Variants in PLCB1 observed in about 807,000 individuals in gnomAD.
PLCB1 encodes the protein 1-phosphatidylinositol 4,5-bisphosphate phosphodiesterase beta-1.
PLCB1 carries 46 observed loss-of-function variants against 161.8 expected under a neutral mutation model. The ratio of observed to expected loss-of-function variants is 0.28; its 90% CI spans 0.22 to 0.36. The LOEUF is 0.36. Ranked by LOEUF, PLCB1 falls within the 10% of genes least tolerant of loss-of-function variation. The probability of loss-of-function intolerance (pLI) is 1.00; values close to 1 mark genes in which losing one functional copy is unlikely to be tolerated. For synonymous variants in PLCB1, 517 were observed against 503.7 expected (o/e 1.03, Z -0.35); for missense variants, 1,016 against 1,472.5 (o/e 0.69, Z 5.07).
chr20:8,651,603 TTGAGC>T, intron 7 of PLCB1: 1 of 682,530 alleles, frequency 1.5e-6, no homozygotes, highest in South Asian at 1.6e-5. Context: ...CAAATATTTC[TTGAGC>T]TCTTACTATG....
intron 15 of PLCB1, among the ~76,000 whole-genome samples, chr20:8,722,699 G>A (rs1468886098): frequency 6.6e-6 from 1 of 152,138 alleles, no homozygotes; most frequent in Non-Finnish European, 1.5e-5. Flanking sequence ...GGCATCCCGA[G>A]TAACTTGATT....
chr20:8,829,749 A>C (rs1441598626), intron 31 of PLCB1, among the ~76,000 whole-genome samples: 1 of 152,260 alleles, frequency 6.6e-6, no homozygotes, highest in Non-Finnish European at 1.5e-5. Context: ...CAAACTGTTC[A>C]GCAACGTATA....
intron 3 of PLCB1, among the ~76,000 whole-genome samples, chr20:8,611,317 A>C (rs1987897474): frequency 6.6e-6 from 1 of 152,052 alleles, no homozygotes; most frequent in Admixed American, 6.6e-5. Flanking sequence ...AAATTCAGGG[A>C]AATACTTTGG....
Position 8,740,441 on chromosome 20 carries a change from A to G in PLCB1, c.2406A>G (p.Thr802=). 1.3e-6 allele frequency: 2 copies of G among 1,558,276 alleles called. No individual in the cohort carries two copies. The highest frequency in any genetic ancestry group is 8.7e-7 in the Non-Finnish European group (1 of 1,147,608). Residue 802 remains threonine (T), a synonymous_variant, in exon 22 of 32, where the codon ACA becomes ACG. Coordinates refer to ENST00000338037, the MANE Select transcript of PLCB1 (RefSeq NM_015192.4). The part of the protein sequence containing the change: ...YIEVKDYVPD[T]YADVIEALSN... ...AAGTGAAAGACTATGTGCCAGACAC[A>G]TATGCAGGTAAACAACTTAACTCAA...
chr20:8,485,003 A>G (rs187345440), intron 3 of PLCB1, among the ~76,000 whole-genome samples: 130 of 152,336 alleles, frequency 8.5e-4, no homozygotes, highest in African/African-American at 2.9e-3. Flanking sequence ...AAGAGAGAGA[A>G]ATTAGAAAGG....
chr20:8,297,962 T>G (rs533600713), intron 2 of PLCB1, among the ~76,000 whole-genome samples: 18 of 151,796 alleles, frequency 1.2e-4, no homozygotes, highest in African/African-American at 4.4e-4. Flanking sequence ...GTTTGCCATT[T>G]TAAATCACAG....
intron 19 of PLCB1, among the ~76,000 whole-genome samples, chr20:8,734,614 A>T (rs1397116287): frequency 6.6e-6 from 1 of 151,940 alleles, no homozygotes; most frequent in Non-Finnish European, 1.5e-5. Flanking sequence ...ACAATTCTAA[A>T]TTTTTTTAGT....
At chr20:8,880,860 CT>C (rs55682849) in intron 31 of PLCB1, 2,488 of 99,532 alleles carry the variant, frequency 0.025, 23 homozygotes, top group Middle Eastern at 0.083. Context: ...TTCTTTCTTT[CT>C]TTTTTTTTTT....
At chr20:8,776,423 G>T (rs968455289) in intron 27 of PLCB1, among the ~76,000 whole-genome samples, 1 of 152,154 alleles carries the variant, frequency 6.6e-6, no homozygotes, top group African/African-American at 2.4e-5. Flanking sequence ...TCATCATAAT[G>T]AAGGGAGTTG....
chr20:8,413,295 T>C (rs1247734231), intron 3 of PLCB1, among the ~76,000 whole-genome samples: 1 of 152,226 alleles, frequency 6.6e-6, no homozygotes, highest in East Asian at 1.9e-4. Context: ...CAAGTATTAA[T>C]GTTTCCCTTT....
intron 1 of PLCB1, among the ~76,000 whole-genome samples, chr20:8,148,441 AT>A (rs924280575): frequency 2.6e-4 from 39 of 152,292 alleles, no homozygotes; most frequent in African/African-American, 7.9e-4. Flanking sequence ...TGTAAAAGAT[AT>A]TTTTCAAACT....
At chr20:8,524,335 G>A (rs1379911823) in intron 3 of PLCB1, among the ~76,000 whole-genome samples, 4 of 152,052 alleles carry the variant, frequency 2.6e-5, no homozygotes, top group African/African-American at 9.7e-5. Context: ...CTTTGAGGGA[G>A]GGGAGGGGAA....
At position 8,263,167 on chromosome 20, in the gene PLCB1, A is replaced by G. The variant is rs568677067; in HGVS notation, c.178-108215A>G. ...GTTAGATGGGAATGAATGAGTTAAT[A>G]TCTATAGTACCAAAAAAAAATTGTG... On this transcript the variant is annotated intron_variant, in intron 2 of 31. Transcript: ENST00000338037. Among the ~76,000 whole-genome samples the G allele has an allele frequency of 1.3e-4, 19 of 149,694 alleles. No homozygotes were observed. In the South Asian group the frequency reaches 4.0e-3, roughly 32 times the overall value.
At chr20:8,270,405 T>C (rs1016973620) in intron 2 of PLCB1, among the ~76,000 whole-genome samples, 3 of 152,170 alleles carry the variant, frequency 2.0e-5, no homozygotes, top group Admixed American at 2.0e-4. Context: ...TTAGCTGACT[T>C]AGATTCAAGT....
Position 8,773,913 on chromosome 20 carries a change from G to A in PLCB1, c.2931-626G>A, listed in dbSNP as rs572575825. ...CACTCAAACGTGGGAGGTGGAGGTTGCAGTGAGCTGAGATCATGCCACTGC... is the reference window on the plus strand; with the variant it reads ...CACTCAAACGTGGGAGGTGGAGGTTACAGTGAGCTGAGATCATGCCACTGC... On this transcript the variant is annotated intron_variant, in intron 26 of 31. Coordinates refer to ENST00000338037, the MANE Select transcript of PLCB1 (RefSeq NM_015192.4). Among the ~76,000 whole-genome samples, 4 of 149,520 alleles carry A rather than the reference G, an allele frequency of 2.7e-5. No homozygotes were observed. In the South Asian group the frequency reaches 8.3e-4, roughly 31 times the overall value.
At chr20:8,582,291 C>A (rs1363675589) in intron 3 of PLCB1, among the ~76,000 whole-genome samples, 1 of 152,132 alleles carries the variant, frequency 6.6e-6, no homozygotes, top group Non-Finnish European at 1.5e-5. Flanking sequence ...TAGGAATTGT[C>A]CTCAGCCAAC....
At chr20:8,255,300 G>C (rs1981356050) in intron 2 of PLCB1, among the ~76,000 whole-genome samples, 1 of 151,984 alleles carries the variant, frequency 6.6e-6, no homozygotes, top group Admixed American at 6.6e-5. Flanking sequence ...CTTTTGAGAA[G>C]ATCTCCATAT....
At chr20:8,774,422 A>T (rs1048508703) in intron 26 of PLCB1, 117 bp from the exon 27 acceptor site, 14 of 1,020,996 alleles carry the variant, frequency 1.4e-5, no homozygotes, top group Non-Finnish European at 2.0e-5. Context: ...CAAGTGGCTT[A>T]TGAAAATATG....
chr20:8,471,975 G>A (rs1311189129), intron 3 of PLCB1, among the ~76,000 whole-genome samples: 1 of 151,954 alleles, frequency 6.6e-6, no homozygotes, highest in Non-Finnish European at 1.5e-5. Context: ...CTTTTTTATT[G>A]TCCTTTCCAG....
Sources: gnomAD v4.1 joint callset for allele counts (sites outside exome capture counted in the v4.1 genomes callset) on GRCh38, gnomAD v4.1.1 for gene constraint, MANE v1.5 for transcripts, NCBI Gene and HGNC (gene_info 2026-07-23, HGNC 2026-07-21) for gene names.